Variants in AAMDC observed in about 807,000 individuals in gnomAD.
AAMDC encodes the protein mth938 domain-containing protein.
A neutral mutation model predicts 15.5 loss-of-function variants in AAMDC; 16 were observed. That is an observed-to-expected ratio of 1.03 (90% CI 0.70 to 1.57). The LOEUF (loss-of-function observed/expected upper bound fraction) is 1.57. AAMDC is among the 40% of genes most tolerant of loss of function. The pLI, the probability that AAMDC is intolerant of heterozygous loss-of-function variation, is 0.00. For synonymous variants in AAMDC, 51 were observed against 51.6 expected, an observed-to-expected ratio of 0.99 and a Z score of 0.05; for missense variants, 141 against 144.9, an observed-to-expected ratio of 0.97 and a Z score of 0.14.
chr11:77,891,043 C>G (rs540762064), intron 5 of AAMDC, among the ~76,000 whole-genome samples: 3 of 152,062 alleles, frequency 2.0e-5, no homozygotes, highest in Non-Finnish European at 4.4e-5. Context: ...TTTAGTGAAC[C>G]CTTACTGGGT....
intron 1 of AAMDC, among the ~76,000 whole-genome samples, chr11:77,837,005 C>G (rs2087589454): frequency 3.3e-5 from 5 of 152,228 alleles, no homozygotes; most frequent in Admixed American, 3.3e-4. Flanking sequence ...ATGTGTTTGT[C>G]TTCTCTACTG....
chr11:77,869,682 T>C, intron 2 of AAMDC, 40 bp from the exon 3 acceptor site: 3 of 1,569,688 alleles, frequency 1.9e-6, no homozygotes, highest in Non-Finnish European at 2.6e-6. Flanking sequence ...AATGAAAGAT[T>C]GAGAGCAGGT....
At chr11:77,889,917 G>A (rs546177029) in intron 5 of AAMDC, among the ~76,000 whole-genome samples, 1 of 152,120 alleles carries the variant, frequency 6.6e-6, no homozygotes, top group South Asian at 2.1e-4. Flanking sequence ...TCTCCTTTAC[G>A]CTCAGGTGAT....
chr11:77,864,169 C>T (rs1319185365), intron 2 of AAMDC, among the ~76,000 whole-genome samples: 9 of 152,142 alleles, frequency 5.9e-5, no homozygotes, highest in Admixed American at 1.3e-4. Flanking sequence ...TCAGGTGATA[C>T]GCCCGCCTCA....
At chr11:77,891,849 A>T in intron 5 of AAMDC, 1 of 1,610,858 alleles carries the variant, frequency 6.2e-7, no homozygotes, top group Non-Finnish European at 8.5e-7. Flanking sequence ...ACCTGGAGGA[A>T]CAAACAGAAG....
intron 5 of AAMDC, among the ~76,000 whole-genome samples, chr11:77,888,244 G>C (rs1341137573): frequency 2.6e-5 from 4 of 152,162 alleles, no homozygotes; most frequent in Admixed American, 6.5e-5. Context: ...CAATGGAACA[G>C]AACAGAGCCC....
chr11:77,832,640 ATATT>A (rs894478075), intron 1 of AAMDC, among the ~76,000 whole-genome samples: 15 of 151,006 alleles, frequency 9.9e-5, no homozygotes, highest in Non-Finnish European at 1.9e-4. Flanking sequence ...AGGAACTTTT[ATATT>A]TATTCTTCAA....
chr11:77,867,991 T>A (rs1270075925), intron 2 of AAMDC, among the ~76,000 whole-genome samples: 1 of 152,096 alleles, frequency 6.6e-6, no homozygotes, highest in South Asian at 2.1e-4. Flanking sequence ...TCCCACCTCA[T>A]CTGTCACTCT....
chr11:77,895,529 A>T (rs1234833560), intron 5 of AAMDC, among the ~76,000 whole-genome samples: 1 of 10,260 alleles, frequency 9.7e-5, no homozygotes, highest in African/African-American at 5.1e-4. Context: ...CTTTTCCTGA[A>T]AAAAAAAAAA....
intron 5 of AAMDC, chr11:77,878,738 T>C (rs1182583485): frequency 2.9e-6 from 2 of 695,792 alleles, no homozygotes; most frequent in South Asian, 1.5e-5. Flanking sequence ...TTCTCAACTT[T>C]ATTGTGGACA....
chr11:77,883,394 GA>G (rs1407168441), intron 5 of AAMDC, among the ~76,000 whole-genome samples: 2 of 151,756 alleles, frequency 1.3e-5, no homozygotes, highest in South Asian at 2.1e-4. Flanking sequence ...GTTGGCAAAT[GA>G]AAAAAAATAT....
Position 77,842,640 on chromosome 11 carries a change from G to C in AAMDC, c.132+12G>C. The C allele has an allele frequency of 6.2e-7, 1 of 1,613,240 alleles. No individual in the cohort carries two copies. Among genetic ancestry groups the C allele is most frequent in the South Asian group, 1.1e-5 (1 of 90,776 alleles). Reference sequence around the variant, plus strand: ...AAACAGGAACTGAGGTAAGATATTAGTCTTTGGTTGATACTACATGAGGCT... The same window carrying C: ...AAACAGGAACTGAGGTAAGATATTACTCTTTGGTTGATACTACATGAGGCT... On this transcript the variant is annotated intron_variant, in intron 2 of 3. Transcript: ENST00000393427.
chr11:77,885,708 A>C (rs544966602), intron 5 of AAMDC, among the ~76,000 whole-genome samples: 32 of 152,018 alleles, frequency 2.1e-4, no homozygotes, highest in African/African-American at 7.7e-4. Context: ...AGTCCCAGCT[A>C]CTTGGGAGGC....
intron 1 of AAMDC, among the ~76,000 whole-genome samples, chr11:77,827,866 C>T (rs576219482): frequency 6.6e-6 from 1 of 152,154 alleles, no homozygotes; most frequent in African/African-American, 2.4e-5. Flanking sequence ...TGTAGGAAAT[C>T]CTAAAGAATC....
chr11:77,849,481 C>CTT (rs1444275614), intron 2 of AAMDC, among the ~76,000 whole-genome samples: 1 of 152,218 alleles, frequency 6.6e-6, no homozygotes, highest in Non-Finnish European at 1.5e-5. Flanking sequence ...ATCTCGGCCT[C>CTT]TCAAAGTGCT....
downstream of AAMDC, among the ~76,000 whole-genome samples, chr11:77,904,204 A>G (rs914220408): frequency 2.0e-5 from 3 of 152,254 alleles, no homozygotes; most frequent in Admixed American, 6.5e-5. Flanking sequence ...CCCTTGCACA[A>G]ACTTCTGTGA....
intron 5 of AAMDC, among the ~76,000 whole-genome samples, chr11:77,894,616 A>C (rs192706047): frequency 6.6e-6 from 1 of 152,346 alleles, no homozygotes; most frequent in African/African-American, 2.4e-5. Context: ...CACTAGACTC[A>C]CTACGAATAC....
At chr11:77,860,692 C>G (rs1263627742) in intron 2 of AAMDC, among the ~76,000 whole-genome samples, 1 of 152,120 alleles carries the variant, frequency 6.6e-6, no homozygotes, top group Non-Finnish European at 1.5e-5. Flanking sequence ...TAAAACAGTC[C>G]AGGTGAATTG....
At chr11:77,847,442 A>G (rs1450951705) in intron 2 of AAMDC, among the ~76,000 whole-genome samples, 1 of 152,228 alleles carries the variant, frequency 6.6e-6, no homozygotes, top group African/African-American at 2.4e-5. Context: ...TTCTTTGTTC[A>G]TGCCTTGGTT....
Sources: gnomAD v4.1 joint callset for allele counts (sites outside exome capture counted in the v4.1 genomes callset) on GRCh38, gnomAD v4.1.1 for gene constraint, MANE v1.5 for transcripts, NCBI Gene and HGNC (gene_info 2026-07-23, HGNC 2026-07-21) for gene names.